TDRD3: variants seen among roughly 807,000 people sequenced by gnomAD.
TDRD3 encodes the protein tudor domain containing 3.
In TDRD3, 45 loss-of-function variants were observed where a neutral mutation model predicts 86.7. That is an observed-to-expected ratio of 0.52 (90% CI 0.41 to 0.67). TDRD3 has a LOEUF of 0.67. TDRD3 is among the 30% of genes least tolerant of loss of function. The pLI is 0.00. For missense variants in TDRD3, 814 were observed against 889.0 expected (o/e 0.92, Z 1.07); for synonymous variants, 298 against 301.7 (o/e 0.99, Z 0.13).
intron 1 of TDRD3, among the ~76,000 whole-genome samples, chr13:60,412,060 T>A (rs895591887): frequency 2.6e-5 from 4 of 152,204 alleles, no homozygotes; most frequent in Non-Finnish European, 5.9e-5. Context: ...AAAGGGATTC[T>A]GAGAACTGTG....
chr13:60,419,552 G>T (rs905363081), intron 1 of TDRD3, among the ~76,000 whole-genome samples: 2 of 152,060 alleles, frequency 1.3e-5, no homozygotes, highest in African/African-American at 4.8e-5. Flanking sequence ...AACACCATGT[G>T]TTCTCACTCA....
intron 8 of TDRD3, among the ~76,000 whole-genome samples, chr13:60,505,402 T>TG: frequency 6.6e-6 from 1 of 152,316 alleles, no homozygotes; most frequent in East Asian, 1.9e-4. Context: ...TCTTCCTCTC[T>TG]GGGGAGGGCA....
chr13:60,439,836 CAG>C (rs1382994032), intron 2 of TDRD3, 64 bp downstream of exon 2: 1 of 1,194,994 alleles, frequency 8.4e-7, no homozygotes, highest in Admixed American at 2.9e-5. Context: ...AAAAAAGTCT[CAG>C]AGTAAATTGG....
chr13:60,566,857 T>C (rs1473941287), intron 12 of TDRD3, among the ~76,000 whole-genome samples: 1 of 152,184 alleles, frequency 6.6e-6, no homozygotes, highest in African/African-American at 2.4e-5. Context: ...CTTGAACTGG[T>C]AGATATACCC....
intron 12 of TDRD3, among the ~76,000 whole-genome samples, chr13:60,557,016 C>T (rs998891503): frequency 1.3e-5 from 2 of 151,932 alleles, no homozygotes; most frequent in African/African-American, 4.8e-5. Context: ...ACCAGCCTGA[C>T]CAACGTGGAG....
At position 60,558,939 on chromosome 13, in the gene TDRD3, T is replaced by C. The variant is rs182780301; in HGVS notation, c.2119-8586T>C. 7.2e-4 allele frequency among the ~76,000 whole-genome samples: 110 copies of C among 151,752 alleles called. 1 individual carries two copies. The highest frequency in any genetic ancestry group is 6.9e-3 in the Admixed American group (105 of 15,236). On this transcript the variant is annotated intron_variant, in intron 12 of 13. Coordinates refer to ENST00000377881, the MANE Select transcript of TDRD3 (RefSeq NM_001146070.2). Reference sequence around the variant, plus strand: ...AACCTTTCTTCTTGCATTGGCTCTTTCATTTTTTTCCAAAGACATTTTTGC... The same window carrying C: ...AACCTTTCTTCTTGCATTGGCTCTTCCATTTTTTTCCAAAGACATTTTTGC...
chr13:60,567,338 C>G (rs1958482761), intron 12 of TDRD3, among the ~76,000 whole-genome samples, 187 bp from the exon 13 acceptor site: 1 of 134,084 alleles, frequency 7.5e-6, no homozygotes, highest in African/African-American at 2.9e-5. Context: ...TAACAGTATC[C>G]CTGCCTTTTT....
intron 3 of TDRD3, among the ~76,000 whole-genome samples, chr13:60,446,551 T>A (rs1319570002): frequency 6.6e-6 from 1 of 152,114 alleles, no homozygotes; most frequent in African/African-American, 2.4e-5. Context: ...TTCTTATATG[T>A]CATATAAGAA....
chr13:60,410,870 G>GTTTT, intron 1 of TDRD3, among the ~76,000 whole-genome samples: 1 of 152,048 alleles, frequency 6.6e-6, no homozygotes, highest in Non-Finnish European at 1.5e-5. Flanking sequence ...TTGGTTTTAT[G>GTTTT]TTTTTTCCCT....
At chr13:60,443,606 T>C (rs934379247) in intron 2 of TDRD3, among the ~76,000 whole-genome samples, 1 of 151,976 alleles carries the variant, frequency 6.6e-6, no homozygotes, top group African/African-American at 2.4e-5. Context: ...TTTATTATGG[T>C]AGGTGTTAAA....
chr13:60,553,519 A>AT (rs564617012), intron 12 of TDRD3, among the ~76,000 whole-genome samples: 12 of 151,974 alleles, frequency 7.9e-5, no homozygotes, highest in African/African-American at 2.9e-4. Context: ...CTCTAGAGAT[A>AT]CTACCTGAGA....
At position 60,524,368 on chromosome 13, in the gene TDRD3, G is replaced by A. The variant is rs142176068; in HGVS notation, c.1142-3999G>A. On this transcript the variant is annotated intron_variant, in intron 10 of 13. Transcript: ENST00000377881. ...CTAAAAATACAAAAATTAGCCGGGC[G>A]TGGTGGTCTGCACCTGTAATTCCAG... 7.5e-3 allele frequency among the ~76,000 whole-genome samples: 1,143 copies of A among 151,890 alleles called. 10 individuals carry two copies. The highest frequency in any genetic ancestry group is 0.011 in the Non-Finnish European group (734 of 67,938).
At chr13:60,532,578 T>C (rs1957609912) in intron 11 of TDRD3, among the ~76,000 whole-genome samples, 1 of 152,230 alleles carries the variant, frequency 6.6e-6, no homozygotes, top group Non-Finnish European at 1.5e-5. Context: ...ATCTTCTTAA[T>C]TGCATTGTAA....
At chr13:60,449,659 C>T (rs1046646021) in intron 3 of TDRD3, among the ~76,000 whole-genome samples, 1 of 151,934 alleles carries the variant, frequency 6.6e-6, no homozygotes, top group Admixed American at 6.6e-5. Context: ...CTTACGTTTG[C>T]AAAAACCTAT....
intron 3 of TDRD3, among the ~76,000 whole-genome samples, chr13:60,449,518 C>T (rs1955485892): frequency 6.6e-6 from 1 of 152,002 alleles, no homozygotes; most frequent in Non-Finnish European, 1.5e-5. Context: ...AAAAGTGTTG[C>T]TTTTGGCTGG....
chr13:60,480,657 C>T (rs118134718), intron 5 of TDRD3, among the ~76,000 whole-genome samples: 6,793 of 152,224 alleles, frequency 0.045, 208 homozygotes, highest in Non-Finnish European at 0.064. Flanking sequence ...TACATAACCC[C>T]ATATTTCTTA....
chr13:60,415,259 T>C (rs564384248), intron 1 of TDRD3, among the ~76,000 whole-genome samples: 1 of 152,254 alleles, frequency 6.6e-6, no homozygotes, highest in African/African-American at 2.4e-5. Flanking sequence ...ATTTGTGTTC[T>C]GAAACTTTGA....
rs142755705 is a variant in TDRD3, at chr13:60,452,412, A to G, written c.192+7664A>G. Among the ~76,000 whole-genome samples, 88 of 152,098 alleles carry G rather than the reference A, an allele frequency of 5.8e-4. No homozygotes were observed. In the East Asian group the frequency reaches 6.6e-3, roughly 11 times the overall value. The stretch of plus-strand genomic sequence containing the variant: ...TTACATTATTATTCTTATATATTCT[A>G]TTCTTCTTCTTATTCCAGATATAAT... On this transcript the variant is annotated intron_variant, in intron 3 of 13. Coordinates refer to ENST00000377881, the MANE Select transcript of TDRD3 (RefSeq NM_001146070.2).
chr13:60,417,311 T>G (rs1044508425), intron 1 of TDRD3, among the ~76,000 whole-genome samples: 2 of 150,992 alleles, frequency 1.3e-5, no homozygotes, highest in Non-Finnish European at 3.0e-5. Flanking sequence ...CCATTGTACT[T>G]GACCCAGTCT....
Sources: gnomAD v4.1 joint callset for allele counts (sites outside exome capture counted in the v4.1 genomes callset) on GRCh38, gnomAD v4.1.1 for gene constraint, MANE v1.5 for transcripts, NCBI Gene and HGNC (gene_info 2026-07-23, HGNC 2026-07-21) for gene names.